ZNF804A: variants seen among roughly 807,000 people sequenced by gnomAD.
ZNF804A encodes the protein zinc finger protein 804A.
ZNF804A carries 2 observed loss-of-function variants against 16.5 expected under a neutral mutation model. The observed-to-expected ratio is 0.12, with a 90% CI of 0.05 to 0.38. ZNF804A has a LOEUF of 0.38. Ranked by LOEUF, ZNF804A falls within the 10% of genes least tolerant of loss-of-function variation. The pLI is 0.99. For synonymous variants in ZNF804A, 534 were observed against 489.6 expected (o/e 1.09, Z -1.20); for missense variants, 1,473 against 1,390.7 (o/e 1.06, Z -0.94).
intron 2 of ZNF804A, among the ~76,000 whole-genome samples, chr2:184,897,806 T>G (rs1263251312): frequency 6.6e-6 from 1 of 152,082 alleles, no homozygotes; most frequent in Non-Finnish European, 1.5e-5. Context: ...TCATTATAGT[T>G]TCTTTGTTTC....
intron 1 of ZNF804A, among the ~76,000 whole-genome samples, chr2:184,820,738 T>G (rs1454239503): frequency 6.6e-6 from 1 of 152,054 alleles, no homozygotes. Flanking sequence ...ACAAAATAAA[T>G]GTGCAAAAAT....
intron 1 of ZNF804A, among the ~76,000 whole-genome samples, chr2:184,732,677 A>G (rs1466703998): frequency 1.3e-5 from 2 of 152,068 alleles, no homozygotes; most frequent in African/African-American, 2.4e-5. Context: ...ATATATTTCT[A>G]TTTATTTAGT....
At chr2:184,669,157 T>C (rs1310286197) in intron 1 of ZNF804A, among the ~76,000 whole-genome samples, 3 of 152,082 alleles carry the variant, frequency 2.0e-5, no homozygotes, top group South Asian at 2.1e-4. Context: ...GCAGTTTATA[T>C]AGTAAAAAAC....
chr2:184,889,461 A>G (rs560313036), intron 2 of ZNF804A, among the ~76,000 whole-genome samples: 1 of 152,062 alleles, frequency 6.6e-6, no homozygotes, highest in South Asian at 2.1e-4. Flanking sequence ...GCCATGAATC[A>G]TTTGATTGGA....
At chr2:184,736,263 T>A (rs1300249764) in intron 1 of ZNF804A, among the ~76,000 whole-genome samples, 4 of 152,188 alleles carry the variant, frequency 2.6e-5, no homozygotes, top group African/African-American at 9.7e-5. Context: ...GGGAGACAAT[T>A]TTGTCTACTG....
chr2:184,667,664 C>T (rs923318225), intron 1 of ZNF804A, among the ~76,000 whole-genome samples: 14 of 151,768 alleles, frequency 9.2e-5, no homozygotes, highest in African/African-American at 2.2e-4. Context: ...AAAATGTATA[C>T]GAATTAAGTT....
At chr2:184,814,682 T>A (rs1694952787) in intron 1 of ZNF804A, among the ~76,000 whole-genome samples, 1 of 152,024 alleles carries the variant, frequency 6.6e-6, no homozygotes, top group Non-Finnish European at 1.5e-5. Context: ...CTGAGAGGCC[T>A]TTCTAAACCT....
intron 1 of ZNF804A, among the ~76,000 whole-genome samples, chr2:184,835,987 T>C (rs1188214728): frequency 1.3e-5 from 2 of 152,108 alleles, no homozygotes; most frequent in Non-Finnish European, 2.9e-5. Flanking sequence ...GGAAATTGAA[T>C]AGACTCATGC....
chr2:184,737,801 C>A (rs1693651564), intron 1 of ZNF804A, among the ~76,000 whole-genome samples: 1 of 151,990 alleles, frequency 6.6e-6, no homozygotes, highest in Non-Finnish European at 1.5e-5. Flanking sequence ...GAAAAGATAA[C>A]CTATATTTCT....
At chr2:184,690,254 G>T (rs1445350859) in intron 1 of ZNF804A, among the ~76,000 whole-genome samples, 2 of 151,532 alleles carry the variant, frequency 1.3e-5, no homozygotes, top group African/African-American at 4.8e-5. Flanking sequence ...AGGGATAAAT[G>T]GTGACAAGAC....
chr2:184,854,767 AATG>A (rs762863977), intron 1 of ZNF804A, among the ~76,000 whole-genome samples: 39 of 152,126 alleles, frequency 2.6e-4, no homozygotes, highest in Admixed American at 5.9e-4. Context: ...ATAAAGCTAA[AATG>A]AAGATCTTGA....
chr2:184,706,728 T>C (rs548744483), intron 1 of ZNF804A, among the ~76,000 whole-genome samples: 5 of 152,304 alleles, frequency 3.3e-5, no homozygotes, highest in East Asian at 3.9e-4. Flanking sequence ...TGTAATAGTT[T>C]TGATTGCACT....
chr2:184,814,056 T>C (rs1201777648), intron 1 of ZNF804A, among the ~76,000 whole-genome samples: 1 of 118,458 alleles, frequency 8.4e-6, no homozygotes, highest in Non-Finnish European at 1.6e-5. Flanking sequence ...GCACCTAAAA[T>C]AGTACCAAAG....
At chr2:184,790,336 C>T (rs939366439) in intron 1 of ZNF804A, among the ~76,000 whole-genome samples, 19 of 151,156 alleles carry the variant, frequency 1.3e-4, no homozygotes, top group African/African-American at 2.9e-4. Flanking sequence ...TTGAGTATTA[C>T]GTTCTGTAGA....
intron 1 of ZNF804A, among the ~76,000 whole-genome samples, chr2:184,799,791 G>A (rs542162883): frequency 1.2e-3 from 186 of 152,202 alleles, no homozygotes; most frequent in African/African-American, 4.5e-3. Flanking sequence ...CCATCTGCCT[G>A]CCTCAGGCTC....
At chr2:184,711,282 T>TTA (rs34488991) in intron 1 of ZNF804A, among the ~76,000 whole-genome samples, 1 of 151,816 alleles carries the variant, frequency 6.6e-6, no homozygotes, top group East Asian at 1.9e-4. Context: ...TTTTCATATA[T>TTA]CTGTTGACCA....
chr2:184,706,343 C>T (rs904646345), intron 1 of ZNF804A, among the ~76,000 whole-genome samples: 2 of 152,182 alleles, frequency 1.3e-5, no homozygotes, highest in African/African-American at 2.4e-5. Flanking sequence ...GTTAACCAGA[C>T]CTGAGTCTTC....
intron 2 of ZNF804A, among the ~76,000 whole-genome samples, chr2:184,878,804 T>C (rs1684759551): frequency 6.6e-6 from 1 of 152,062 alleles, no homozygotes; most frequent in African/African-American, 2.4e-5. Context: ...GCCCTATTAT[T>C]ATTGTTGATA....
chr2:184,711,996 G>T lies in ZNF804A; in HGVS notation c.111+112926G>T, dbSNP rs191572016. ...ATTAGTATAATTATAATCTTTTTCTGTAAGAAATGCATTAGTATTTTGATA... is the reference window on the plus strand; with the variant it reads ...ATTAGTATAATTATAATCTTTTTCTTTAAGAAATGCATTAGTATTTTGATA... On this transcript the variant is annotated intron_variant, in intron 1 of 3. Coordinates refer to ENST00000302277, the MANE Select transcript of ZNF804A (RefSeq NM_194250.2). Among the ~76,000 whole-genome samples the T allele has an allele frequency of 4.2e-4, 63 of 151,680 alleles. 1 individual carries two copies. The highest frequency in any genetic ancestry group is 4.1e-3 in the Admixed American group (62 of 15,182).
Sources: allele counts gnomAD v4.1 joint callset (sites outside exome capture counted in the v4.1 genomes callset), GRCh38; gene constraint gnomAD v4.1.1; transcripts MANE v1.5; gene names NCBI Gene and HGNC (gene_info 2026-07-23, HGNC 2026-07-21).